The following TENT5D variants were observed in gnomAD, a reference collection of about 807,000 sequenced individuals.
TENT5D encodes the protein terminal nucleotidyltransferase 5D, also known as cancer/testis antigen 112.
For synonymous variants in TENT5D, 103 were observed against 100.6 expected (o/e 1.02, Z -0.15); for missense variants, 191 against 287.0 (o/e 0.67, Z 2.42).
At chrX:80,342,062 A>G (rs956976882) in intron 2 of TENT5D, among the ~76,000 whole-genome samples, 3 of 111,608 alleles carry the variant, frequency 2.7e-5, no homozygotes, top group Middle Eastern at 4.6e-3. Context: ...AGATATATAG[A>G]GAAAAAATAC....
At chrX:80,390,064 A>G (rs1037908583) in intron 3 of TENT5D, among the ~76,000 whole-genome samples, 5 of 111,542 alleles carry the variant, frequency 4.5e-5, no homozygotes, top group African/African-American at 1.3e-4. Context: ...CCAAGAATGT[A>G]GGAAATTCAT....
chrX:80,429,425 C>A (rs763267694), intron 1 of TENT5D, among the ~76,000 whole-genome samples: 11 of 110,402 alleles, frequency 1.0e-4, no homozygotes, highest in African/African-American at 3.6e-4. Context: ...GTCTCAGCCT[C>A]CCGAGTAGCT....
intron 3 of TENT5D, among the ~76,000 whole-genome samples, chrX:80,366,521 C>A (rs1308784450): frequency 9.0e-6 from 1 of 111,160 alleles, no homozygotes; most frequent in Non-Finnish European, 1.9e-5. Flanking sequence ...TTTCCCTTTT[C>A]TCACAGAATG....
chrX:80,377,833 C>T (rs962252854), intron 3 of TENT5D, among the ~76,000 whole-genome samples: 1 of 111,922 alleles, frequency 8.9e-6, no homozygotes, highest in Non-Finnish European at 1.9e-5. Flanking sequence ...AATGGTTGAA[C>T]TAGTTTACAC....
At chrX:80,438,175 C>A (rs959021410) in intron 1 of TENT5D, among the ~76,000 whole-genome samples, 4 of 110,507 alleles carry the variant, frequency 3.6e-5, no homozygotes, top group Non-Finnish European at 7.6e-5. Context: ...TCTCAGTTTT[C>A]TTCAGTGTAG....
intron 3 of TENT5D, among the ~76,000 whole-genome samples, chrX:80,383,281 T>C (rs1267909994): frequency 8.9e-6 from 1 of 112,011 alleles, no homozygotes; most frequent in Admixed American, 9.5e-5. Flanking sequence ...CAGCAAACTC[T>C]GTGATGCTTC....
intron 1 of TENT5D, among the ~76,000 whole-genome samples, chrX:80,431,300 G>A (rs1435425116): frequency 9.0e-6 from 1 of 111,135 alleles, no homozygotes; most frequent in Non-Finnish European, 1.9e-5. Flanking sequence ...GGATGTAAGA[G>A]AGAAAAAATT....
intron 1 of TENT5D, among the ~76,000 whole-genome samples, chrX:80,429,453 C>A (rs1253139268): frequency 1.8e-5 from 2 of 109,218 alleles, no homozygotes; most frequent in Admixed American, 9.8e-5. Flanking sequence ...CAGGTCCCTG[C>A]CACCACGCCC....
chrX:80,399,951 T>C (rs982169259), intron 3 of TENT5D, among the ~76,000 whole-genome samples: 1 of 111,633 alleles, frequency 9.0e-6, no homozygotes, highest in Non-Finnish European at 1.9e-5. Flanking sequence ...CAATAAGATA[T>C]GCATCTAGGT....
intron 3 of TENT5D, among the ~76,000 whole-genome samples, chrX:80,406,005 G>T (rs1334187017): frequency 6.5e-5 from 7 of 107,710 alleles, no homozygotes; most frequent in Non-Finnish European, 1.3e-4. Flanking sequence ...CACCTCACAC[G>T]GCAGGGTATT....
exon 3 of TENT5D, chrX:80,444,323 G>GA (rs957969373): frequency 1.1e-4 from 13 of 121,852 alleles, no homozygotes; most frequent in African/African-American, 3.0e-4. Flanking sequence ...AGGAATACTG[G>GA]AAAAAAATGG....
At chrX:80,401,475 C>T (rs1264923875) in intron 3 of TENT5D, among the ~76,000 whole-genome samples, 1 of 110,790 alleles carries the variant, frequency 9.0e-6, no homozygotes, top group African/African-American at 3.3e-5. Flanking sequence ...AGTAGGTTTC[C>T]TTATCTCGTT....
exon 3 of TENT5D, chrX:80,443,319 T>G: frequency 8.3e-7 from 1 of 1,210,800 alleles, no homozygotes. Flanking sequence ...ACCTAGAACG[T>G]TATATGTGCT....
chrX:80,401,158 A>G (rs1180563222), intron 3 of TENT5D, among the ~76,000 whole-genome samples: 2 of 111,816 alleles, frequency 1.8e-5, no homozygotes, highest in African/African-American at 3.2e-5. Context: ...ATTTTAAACT[A>G]TATATATTTT....
At chrX:80,432,744 G>A (rs1289232025) in intron 1 of TENT5D, among the ~76,000 whole-genome samples, 4 of 111,009 alleles carry the variant, frequency 3.6e-5, no homozygotes, top group Admixed American at 9.6e-5. Context: ...CAGAAACAAG[G>A]GTGAGATTGG....
intron 3 of TENT5D, among the ~76,000 whole-genome samples, chrX:80,399,074 T>C (rs778857818): frequency 8.9e-6 from 1 of 112,113 alleles, no homozygotes; most frequent in South Asian, 3.7e-4. Flanking sequence ...CTCTTCATTT[T>C]GTTAATTGTG....
intron 1 of TENT5D, among the ~76,000 whole-genome samples, chrX:80,435,164 G>A (rs1055490513): frequency 9.0e-6 from 1 of 111,674 alleles, no homozygotes; most frequent in Non-Finnish European, 1.9e-5. Flanking sequence ...AAATGATACA[G>A]TATTTTGTGA....
chrX:80,339,784 A>G lies in TENT5D; in HGVS notation c.-206-2716A>G, dbSNP rs746558101. Among the ~76,000 whole-genome samples the G allele has an allele frequency of 8.2e-5, 9 of 110,189 alleles. No individual in the cohort carries two copies. In the South Asian group the frequency reaches 2.7e-3, roughly 33 times the overall value. On this transcript the variant is annotated intron_variant, in intron 2 of 4. Coordinates refer to the TENT5D transcript ENST00000538312. ...TAAATCTACATGTTTACTATTTCTC[A>G]AAGTGCTAATATTTGATCTTTATTT...
At chrX:80,402,562 C>A (rs1288269408) in intron 3 of TENT5D, among the ~76,000 whole-genome samples, 1 of 112,057 alleles carries the variant, frequency 8.9e-6, no homozygotes, top group Non-Finnish European at 1.9e-5. Context: ...GCTTTTGCTG[C>A]AGCCCATAAA....
Sources: gnomAD v4.1 joint callset for allele counts (sites outside exome capture counted in the v4.1 genomes callset) on GRCh38, gnomAD v4.1.1 for gene constraint, MANE v1.5 for transcripts, NCBI Gene and HGNC (gene_info 2026-07-23, HGNC 2026-07-21) for gene names.